The following BORCS5 variants were observed in gnomAD, a reference collection of about 807,000 sequenced individuals.
BORCS5 encodes the protein BLOC-1-related complex subunit 5.
A neutral mutation model predicts 22.1 loss-of-function variants in BORCS5; 17 were observed. The observed-to-expected ratio is 0.77, with a 90% CI of 0.53 to 1.15. The LOEUF is 1.15. BORCS5 is among the 50% of genes most tolerant of loss of function. The pLI is 0.00. For missense variants in BORCS5, 247 were observed against 253.2 expected (o/e 0.98, Z 0.17); for synonymous variants, 117 against 99.8 (o/e 1.17, Z -1.03).
intron 3 of BORCS5, among the ~76,000 whole-genome samples, chr12:12,456,082 GC>G (rs1942994232): frequency 6.6e-6 from 1 of 152,110 alleles, no homozygotes; most frequent in African/African-American, 2.4e-5. Context: ...CTTAAAATAA[GC>G]CCTTGTAGTA....
intron 2 of BORCS5, among the ~76,000 whole-genome samples, chr12:12,404,244 G>A (rs1443337016): frequency 6.6e-6 from 1 of 152,160 alleles, no homozygotes; most frequent in Non-Finnish European, 1.5e-5. Flanking sequence ...GGAAATTAGA[G>A]ATCTTTAGCC....
chr12:12,379,389 A>G (rs1863728882), intron 2 of BORCS5, among the ~76,000 whole-genome samples: 1 of 151,504 alleles, frequency 6.6e-6, no homozygotes, highest in African/African-American at 2.4e-5. Context: ...TGCTGGGTTT[A>G]CAGGCATGGG....
rs187729482 is a variant in BORCS5 at position 12,406,933 on chromosome 12, A to G, written c.203-28695A>G. On this transcript the variant is annotated intron_variant, in intron 2 of 3. Coordinates refer to ENST00000314565, the MANE Select transcript of BORCS5 (RefSeq NM_058169.6). ...AGGTTTTTGGGTTATTGATGTTTCAACAAGTGGAGAGCACCTAGGTCTGGT... is the reference window on the plus strand; with the variant it reads ...AGGTTTTTGGGTTATTGATGTTTCAGCAAGTGGAGAGCACCTAGGTCTGGT... Among the ~76,000 whole-genome samples the G allele has an allele frequency of 3.3e-5, 5 of 152,290 alleles. No homozygotes were observed. In the East Asian group the frequency reaches 9.6e-4, roughly 29 times the overall value.
chr12:12,422,237 G>A (rs11054898), intron 2 of BORCS5, among the ~76,000 whole-genome samples: 3 of 151,828 alleles, frequency 2.0e-5, no homozygotes, highest in Non-Finnish European at 2.9e-5. Flanking sequence ...AGATCCTAAC[G>A]TGGTAACACA....
intron 2 of BORCS5, among the ~76,000 whole-genome samples, chr12:12,414,754 G>A (rs1299692618): frequency 7.5e-6 from 1 of 132,844 alleles, no homozygotes; most frequent in Non-Finnish European, 1.6e-5. Flanking sequence ...CTTCCCAGAC[G>A]GGGTGGCTGC....
At chr12:12,430,702 C>T (rs940435905) in intron 2 of BORCS5, among the ~76,000 whole-genome samples, 41 of 152,204 alleles carry the variant, frequency 2.7e-4, no homozygotes, top group Non-Finnish European at 5.6e-4. Flanking sequence ...GAAATTCCCC[C>T]TCTTTACCCC....
At chr12:12,441,815 T>A (rs533797253) in intron 3 of BORCS5, among the ~76,000 whole-genome samples, 5 of 152,274 alleles carry the variant, frequency 3.3e-5, no homozygotes, top group African/African-American at 1.2e-4. Flanking sequence ...CTGTAGTGAA[T>A]TTAACTGTTT....
At chr12:12,412,900 C>CTTTTTTTTTTTTTTTTTTTT (rs869045354) in intron 2 of BORCS5, among the ~76,000 whole-genome samples, 1 of 74,174 alleles carries the variant, frequency 1.3e-5, no homozygotes, top group African/African-American at 4.7e-5. Context: ...TTGTGGTTTT[C>CTTTTTTTTTTTTTTTTTTTT]TTTTTTTTTT....
intron 2 of BORCS5, among the ~76,000 whole-genome samples, chr12:12,363,429 AT>A (rs1385628451): frequency 6.6e-6 from 1 of 151,842 alleles, no homozygotes; most frequent in African/African-American, 2.4e-5. Flanking sequence ...GTGAAACCCC[AT>A]TTCTACTAAA....
At chr12:12,382,938 G>A (rs577967576) in intron 2 of BORCS5, among the ~76,000 whole-genome samples, 2 of 151,470 alleles carry the variant, frequency 1.3e-5, no homozygotes, top group East Asian at 3.9e-4. Context: ...GTTTCATCCA[G>A]TCTGACATTC....
intron 2 of BORCS5, among the ~76,000 whole-genome samples, chr12:12,374,685 CTG>C (rs1486736075): frequency 1.3e-5 from 2 of 151,704 alleles, no homozygotes; most frequent in African/African-American, 4.8e-5. Flanking sequence ...AGGTCGGGCA[CTG>C]TAGTTCATGC....
chr12:12,450,107 G>A (rs1199095334), intron 3 of BORCS5, among the ~76,000 whole-genome samples: 1 of 152,228 alleles, frequency 6.6e-6, no homozygotes, highest in Non-Finnish European at 1.5e-5. Context: ...AACAAACTAT[G>A]GAAAAGGAAA....
chr12:12,431,400 A>ATTT (rs371924998), intron 2 of BORCS5, among the ~76,000 whole-genome samples: 1,427 of 109,494 alleles, frequency 0.013, 24 homozygotes, highest in African/African-American at 0.049. Flanking sequence ...TCTTTTGCTA[A>ATTT]TTCTTTTTTT....
At position 12,391,454 on chromosome 12, in the gene BORCS5, C is replaced by T. The variant is rs1008248813; in HGVS notation, c.202+30105C>T. Among the ~76,000 whole-genome samples, 50 of 151,398 alleles carry T rather than the reference C, an allele frequency of 3.3e-4. 1 individual carries two copies. The highest frequency in any genetic ancestry group is 1.1e-3 in the African/African-American group (47 of 41,078). On this transcript the variant is annotated intron_variant, in intron 2 of 3. Coordinates refer to ENST00000314565, the MANE Select transcript of BORCS5 (RefSeq NM_058169.6). ...AGGCTGGAGTGCAGTGGCATGATCTCGGCTCACTTCAACCTCCACCACCTG... is the reference window on the plus strand; with the variant it reads ...AGGCTGGAGTGCAGTGGCATGATCTTGGCTCACTTCAACCTCCACCACCTG...
At chr12:12,389,566 C>G (rs912564206) in intron 2 of BORCS5, among the ~76,000 whole-genome samples, 6 of 142,406 alleles carry the variant, frequency 4.2e-5, no homozygotes, top group Admixed American at 2.1e-4. Context: ...TGCCTACAAC[C>G]AATTCTGATG....
chr12:12,426,264 C>T (rs1165552261), intron 2 of BORCS5, among the ~76,000 whole-genome samples: 2 of 152,208 alleles, frequency 1.3e-5, no homozygotes, highest in African/African-American at 2.4e-5. Flanking sequence ...GACAGAGAAT[C>T]GTGCTATATT....
chr12:12,412,398 T>C (rs993228883), intron 2 of BORCS5, among the ~76,000 whole-genome samples: 14 of 152,206 alleles, frequency 9.2e-5, no homozygotes, highest in African/African-American at 3.1e-4. Flanking sequence ...ATGGAATTGT[T>C]TTCTTAATTT....
At chr12:12,433,275 A>G (rs555012946) in intron 2 of BORCS5, among the ~76,000 whole-genome samples, 1 of 144,828 alleles carries the variant, frequency 6.9e-6, no homozygotes. Flanking sequence ...AGCTGAGGAG[A>G]TCATTCCACT....
intron 2 of BORCS5, among the ~76,000 whole-genome samples, chr12:12,388,321 A>C (rs1863927144): frequency 6.6e-6 from 1 of 151,270 alleles, no homozygotes; most frequent in Admixed American, 6.6e-5. Flanking sequence ...CATAAAAATC[A>C]CACCATTGAT....
Sources: gnomAD v4.1 joint callset for allele counts (sites outside exome capture counted in the v4.1 genomes callset) on GRCh38, gnomAD v4.1.1 for gene constraint, MANE v1.5 for transcripts, NCBI Gene and HGNC (gene_info 2026-07-23, HGNC 2026-07-21) for gene names.